The following GPR155 variants were observed in gnomAD, a reference collection of about 807,000 sequenced individuals.
The protein encoded by GPR155 is G protein-coupled receptor 155, also known as lysosomal cholesterol signaling protein.
GPR155 carries 65 observed loss-of-function variants against 93.1 expected under a neutral mutation model. The ratio of observed to expected loss-of-function variants is 0.70; its 90% confidence interval spans 0.57 to 0.86. The LOEUF is 0.86. Ranked by LOEUF, GPR155 falls within the 40% of genes least tolerant of loss-of-function variation. The pLI is 0.00. For missense variants in GPR155, 838 were observed against 1,034.8 expected (o/e 0.81, Z 2.61); for synonymous variants, 319 against 360.1 (o/e 0.89, Z 1.29).
In GPR155 at chr2:174,473,171, T is replaced by C; in HGVS notation, c.654A>G (p.Pro218=). The change falls in exon 3 of 16, where the codon CCA becomes CCG. Residue 218 remains proline, a synonymous_variant. Transcript: ENST00000392552. ...GLGLLRVLQN[P]IVFMVFIGIA... is the part of the protein sequence containing the mutation. ...TGCCAATGAAGACCATAAATACTAT[T>C]GGGTTCTGTAATACACGCAGGAGTC... 6.2e-7 allele frequency: 1 copy of C among 1,613,316 alleles called. No individual in the cohort carries two copies. The highest frequency in any genetic ancestry group is 8.5e-7 in the Non-Finnish European group (1 of 1,179,520).
intron 4 of GPR155, among the ~76,000 whole-genome samples, chr2:174,470,077 G>A (rs1687948515): frequency 2.0e-5 from 3 of 152,184 alleles, no homozygotes; most frequent in Non-Finnish European, 2.9e-5. Context: ...GGCCAGGCTG[G>A]TCTCAAACTC....
rs1686685320 is a variant in GPR155 at position 174,433,153 on chromosome 2, C to T, written c.*2963G>A. The T allele has an allele frequency of 6.6e-6, 1 of 152,102 alleles. No homozygotes were observed. The highest frequency in any genetic ancestry group is 2.4e-5 in the African/African-American group (1 of 41,416). 9.4% of individuals were successfully genotyped at this position (152,102 alleles called of 1,614,324 possible). ...AATTATTTTATAAATAACTTTTTTA[C>T]ATGAGACACTTAAAGTATAATTAAA... On this transcript the variant is annotated 3_prime_UTR_variant, in exon 16 of 16. Transcript: ENST00000392552.
Position 174,470,482 on chromosome 2 carries a change from T to G in GPR155, c.934A>C (p.Ser312Arg). 1 of 1,613,800 alleles carries G rather than the reference T, an allele frequency of 6.2e-7. No individual in the cohort carries two copies. Among genetic ancestry groups the G allele is most frequent in the African/African-American group, 1.3e-5 (1 of 75,036 alleles). ...DKGDSVVNHT[S>R]LSNYAFLYGV... ...TACAGAAATGCATAATTTGATAAAC[T>G]TGTATGGTTCACCACACTGTCGCCC... Residue 312 changes from serine (S) to arginine (R), a missense_variant, in exon 4 of 16, where the codon AGT (serine) becomes CGT (arginine). This residue lies in a region of GPR155 where 663 missense variants were observed against 790.1 expected (regional missense o/e 0.84). Transcript: ENST00000392552.
chr2:174,440,342 T>C (rs1221021113), intron 14 of GPR155, among the ~76,000 whole-genome samples: 4 of 152,196 alleles, frequency 2.6e-5, no homozygotes, highest in Non-Finnish European at 5.9e-5. Context: ...TAAATGTTCC[T>C]TACTCTACAT....
intron 14 of GPR155, among the ~76,000 whole-genome samples, chr2:174,441,470 A>C (rs1221027590): frequency 6.6e-6 from 1 of 151,948 alleles, no homozygotes; most frequent in Admixed American, 6.6e-5. Flanking sequence ...TCTAGGGTAC[A>C]TGTAAAAAAC....
At chr2:174,475,294 CAAAAAAAAAAAAAAAA>C (rs71024809) in intron 2 of GPR155, among the ~76,000 whole-genome samples, 4 of 64,332 alleles carry the variant, frequency 6.2e-5, no homozygotes, top group Admixed American at 2.3e-4. Context: ...GACTCCGTCT[CAAAAAAAAAAAAAAAA>C]AAAAAAAAAA....
intron 4 of GPR155, 95 bp downstream of exon 4, chr2:174,470,295 C>A: frequency 3.5e-5 from 36 of 1,019,154 alleles, no homozygotes; most frequent in Admixed American, 2.8e-5. Flanking sequence ...TCTATTTTTT[C>A]ATTTTTAAAA....
At chr2:174,443,681 G>A (rs1457899128) in intron 13 of GPR155, among the ~76,000 whole-genome samples, 3 of 151,678 alleles carry the variant, frequency 2.0e-5, no homozygotes, top group East Asian at 1.9e-4. Flanking sequence ...GTGAGCTAAT[G>A]CCAATGCACT....
chr2:174,471,408 A>AG lies in GPR155; in HGVS notation c.861-854_861-853insC, dbSNP rs1162055452. On this transcript the variant is annotated intron_variant, in intron 3 of 15. Transcript: ENST00000392552. ...AGACTCTGTCTCAAAAAAAAAAAAAAAAAAAAGATTCCAAAATCCTGTAGA... is the reference window on the plus strand; with the variant it reads ...AGACTCTGTCTCAAAAAAAAAAAAAAGAAAAAAGATTCCAAAATCCTGTAGA... Among the ~76,000 whole-genome samples the AG allele has an allele frequency of 2.0e-5, 3 of 151,424 alleles. No individual in the cohort carries two copies. In the East Asian group the frequency reaches 5.8e-4, roughly 29 times the overall value.
At chr2:174,453,440 C>A (rs1025320636) in intron 11 of GPR155, among the ~76,000 whole-genome samples, 1 of 151,972 alleles carries the variant, frequency 6.6e-6, no homozygotes, top group African/African-American at 2.4e-5. Context: ...GCAGGCAGAT[C>A]ACGAGGTCAG....
chr2:174,448,891 A>G (rs1359526327), intron 11 of GPR155, among the ~76,000 whole-genome samples: 1 of 152,178 alleles, frequency 6.6e-6, no homozygotes, highest in Non-Finnish European at 1.5e-5. Flanking sequence ...GACAAGTGGG[A>G]CCTAATTAAA....
At position 174,459,738 on chromosome 2, in the gene GPR155, T is replaced by A. The variant is rs1049929627; in HGVS notation, c.1771+140A>T. 8.2e-6 allele frequency: 5 copies of A among 609,122 alleles called. No individual in the cohort carries two copies. In the African/African-American group the frequency reaches 9.3e-5, roughly 11 times the overall value. The allele number at this position is 609,122 out of a possible 1,614,324, so 37.7% of individuals were successfully genotyped here. On this transcript the variant is annotated intron_variant, in intron 10 of 15. Coordinates refer to ENST00000392552, the MANE Select transcript of GPR155 (RefSeq NM_152529.7). ...CAGGCACCTGTAGTCCTAGCTACTC[T>A]GGAGGCTCAGGTGGCAGAATCGCTT... is the stretch of plus-strand genomic sequence containing the variant.
chr2:174,439,252 T>C (rs1452381959), intron 15 of GPR155, among the ~76,000 whole-genome samples: 6 of 152,224 alleles, frequency 3.9e-5, no homozygotes, highest in Admixed American at 3.9e-4. Flanking sequence ...ATATTTTGTT[T>C]TGTTTTCTCT....
intron 2 of GPR155, 133 bp from the exon 3 acceptor site, chr2:174,473,497 G>T: frequency 1.8e-6 from 1 of 567,752 alleles, no homozygotes; most frequent in Non-Finnish European, 3.0e-6. Flanking sequence ...AGCCTATTTT[G>T]GAAAAGTACA....
rs1443059917 is a variant in GPR155, at chr2:174,459,945, A to C, written c.1704T>G (p.Thr568=). Residue 568 remains threonine, a synonymous_variant, in exon 10 of 16, where the codon ACT becomes ACG. Transcript: ENST00000392552. ...CTGGTGCTGGACTCTCCTCAAAAGC[A>C]GTATTTCCAGGCTCCACCACTTTGT... ...QSHKVVEPGN[T]AFEESPAPVN... is the part of the protein sequence containing the mutation. 1 of 1,614,004 alleles carries C rather than the reference A, an allele frequency of 6.2e-7. No homozygotes were observed. The highest frequency in any genetic ancestry group is 1.3e-5 in the African/African-American group (1 of 74,920).
intron 11 of GPR155, among the ~76,000 whole-genome samples, chr2:174,450,044 G>T (rs1687270908): frequency 6.6e-6 from 1 of 151,932 alleles, no homozygotes; most frequent in African/African-American, 2.4e-5. Flanking sequence ...TACTTGGTAG[G>T]CTGAGGTGGG....
chr2:174,441,996 C>A, intron 14 of GPR155, 123 bp downstream of exon 14: 1 of 657,844 alleles, frequency 1.5e-6, no homozygotes. Flanking sequence ...AATCTGCCCA[C>A]CCTGGCCTCC....
intron 14 of GPR155, among the ~76,000 whole-genome samples, 164 bp from the exon 15 acceptor site, chr2:174,440,199 C>T (rs1160913815): frequency 6.6e-6 from 1 of 152,158 alleles, no homozygotes; most frequent in African/African-American, 2.4e-5. Context: ...AAACATTCTA[C>T]ATTCCAGACA....
Position 174,436,021 on chromosome 2 carries a change from G to C in GPR155, c.*95C>G, listed in dbSNP as rs1393028615. 4.4e-6 allele frequency: 4 copies of C among 900,624 alleles called. No homozygotes were observed. The highest frequency in any genetic ancestry group is 1.6e-5 in the South Asian group (1 of 63,064). 55.8% of individuals were successfully genotyped at this position (900,624 alleles called of 1,614,324 possible). On this transcript the variant is annotated 3_prime_UTR_variant, in exon 16 of 16. Coordinates refer to ENST00000392552, the MANE Select transcript of GPR155 (RefSeq NM_152529.7). ...AGAAGAGACAACTGAGGCTCAGAGA[G>C]GTTGCCTCTGTTAACTTGCCCAAGG...
Sources: gnomAD v4.1 joint callset for allele counts (sites outside exome capture counted in the v4.1 genomes callset) on GRCh38, gnomAD v4.1.1 for gene constraint, gnomAD v4.1.1 regional missense constraint, MANE v1.5 for transcripts, NCBI Gene and HGNC (gene_info 2026-07-23, HGNC 2026-07-21) for gene names.